The following ECEL1 variants were observed in gnomAD, a reference collection of about 807,000 sequenced individuals.
The protein encoded by ECEL1 is endothelin-converting enzyme-like 1.
Under a neutral mutation model 101.8 loss-of-function variants are expected in ECEL1, and 87 were observed. That is an observed-to-expected ratio of 0.85 (90% CI 0.72 to 1.02). The LOEUF (loss-of-function observed/expected upper bound fraction) is 1.02. Ranked by LOEUF, ECEL1 falls within the 50% of genes least tolerant of loss-of-function variation. The probability of loss-of-function intolerance (pLI) is 0.00; values close to 1 mark genes in which losing one functional copy is unlikely to be tolerated. For synonymous variants in ECEL1, 487 were observed against 468.7 expected, an observed-to-expected ratio of 1.04 and a Z score of -0.50; for missense variants, 1,032 against 1,079.2, an observed-to-expected ratio of 0.96 and a Z score of 0.61.
At position 232,483,991 on chromosome 2, in the gene ECEL1, G is replaced by A; in HGVS notation, c.1407+10C>T. 2 of 1,594,446 alleles carry A rather than the reference G, an allele frequency of 1.3e-6. No individual in the cohort carries two copies. The highest frequency in any genetic ancestry group is 1.7e-6 in the Non-Finnish European group (2 of 1,166,758). On this transcript the variant is annotated intron_variant, in intron 7 of 17. Transcript: ENST00000304546. The stretch of plus-strand genomic sequence containing the variant: ...GCACCATCCTCCTCTCTCAAACAAG[G>A]GCAACCCACCTTGGCTTTGCTGGCA...
At chr2:232,484,288 C>T in intron 6 of ECEL1, 65 bp from the exon 7 acceptor site, 2 of 1,575,718 alleles carry the variant, frequency 1.3e-6, no homozygotes, top group Admixed American at 1.7e-5. Context: ...AAGGGCACCA[C>T]CCCTACCTGT....
Position 232,484,034 on chromosome 2 carries a change from T to C in ECEL1, c.1374A>G (p.Val458=), listed in dbSNP as rs866311070. 6 of 1,611,466 alleles carry C rather than the reference T, an allele frequency of 3.7e-6. 1 individual carries two copies. In the Middle Eastern group the frequency reaches 8.3e-4, roughly 222 times the overall value. ...TGCTGGCAGCTGAGAAGTGCTCATG[T>C]ACAAAGAGGGCGCCAAGCGCCATGC... ...HFGMALGALF[V]HEHFSAASKA... The change falls in exon 7 of 18, where the codon GTA becomes GTG. Residue 458 remains valine, a synonymous_variant. Coordinates refer to ENST00000304546, the MANE Select transcript of ECEL1 (RefSeq NM_004826.4).
At chr2:232,480,594 C>G in intron 16 of ECEL1, 119 bp from the exon 17 acceptor site, 1 of 1,493,570 alleles carries the variant, frequency 6.7e-7, no homozygotes, top group Non-Finnish European at 9.2e-7. Flanking sequence ...ACCATCACCT[C>G]TGACGGGACA....
At chr2:232,485,150 C>A (rs766241158) in intron 3 of ECEL1, 49 bp downstream of exon 3, 4 of 1,612,504 alleles carry the variant, frequency 2.5e-6, no homozygotes, top group Non-Finnish European at 3.4e-6. Flanking sequence ...GGATCCACCC[C>A]TCCTGGGGCC....
rs769637000 is a variant in ECEL1, at chr2:232,481,790, T to C, written c.1856A>G (p.Asp619Gly). ...IIGHELTHGY[D>G]DWGGQYDRSG... ...GCCCCAACAGGCCTCACCCCAGTCG[T>C]CGTAGCCGTGGGTCAGCTCATGTCC... The change falls in exon 13 of 18, where the codon GAC (aspartate) becomes GGC (glycine). Residue 619 changes from aspartate to glycine, a missense_variant. Asp to Gly is a moderately conservative substitution (Grantham distance 94). Coordinates refer to ENST00000304546, the MANE Select transcript of ECEL1 (RefSeq NM_004826.4). 6.2e-7 allele frequency: 1 copy of C among 1,613,638 alleles called. No individual in the cohort carries two copies. Among genetic ancestry groups the C allele is most frequent in the South Asian group, 1.1e-5 (1 of 91,076 alleles).
intron 1 of ECEL1, among the ~76,000 whole-genome samples, chr2:232,487,144 G>A (rs1690750303): frequency 6.6e-6 from 1 of 152,216 alleles, no homozygotes; most frequent in Admixed American, 6.5e-5. Flanking sequence ...GAGGAGGTGC[G>A]GTCAGGGGCG....
Position 232,486,327 on chromosome 2 carries a change from A to T in ECEL1, c.327T>A (p.Ala109=). The part of the protein sequence containing the change: ...CPERKAFARA[A]RFLAANLDAS... ...CGTCCAGGTTGGCGGCCAGGAAGCGAGCGGCGCGCGCGAAGGCCTTGCGCT... is the reference window on the plus strand; with the variant it reads ...CGTCCAGGTTGGCGGCCAGGAAGCGTGCGGCGCGCGCGAAGGCCTTGCGCT... Residue 109 remains alanine (A), a synonymous_variant, in exon 2 of 18, where the codon GCT becomes GCA. Coordinates refer to ENST00000304546, the MANE Select transcript of ECEL1 (RefSeq NM_004826.4). The T allele has an allele frequency of 6.4e-7, 1 of 1,570,214 alleles. No homozygotes were observed. The highest frequency in any genetic ancestry group is 8.6e-7 in the Non-Finnish European group (1 of 1,166,366).
rs1559275420 is a variant in ECEL1 at position 232,484,146 on chromosome 2, A to T, written c.1262T>A (p.Leu421Gln). The T allele has an allele frequency of 1.9e-6, 3 of 1,613,754 alleles. No homozygotes were observed. The highest frequency in any genetic ancestry group is 2.5e-6 in the Non-Finnish European group (3 of 1,180,022). ...EHLSPPFREA[L>Q]HELAQEMEGS... ...CTCCATCTCCTGTGCCAGCTCGTGCAGTGCCTCACGGAATGGCGGGGACAG... is the reference window on the plus strand; with the variant it reads ...CTCCATCTCCTGTGCCAGCTCGTGCTGTGCCTCACGGAATGGCGGGGACAG... Residue 421 changes from leucine to glutamine, a missense_variant, in exon 7 of 18, where the codon CTG becomes CAG. Transcript: ENST00000304546.
At chr2:232,487,106 G>A (rs1350588535) in intron 1 of ECEL1, among the ~76,000 whole-genome samples, 1 of 152,232 alleles carries the variant, frequency 6.6e-6, no homozygotes, top group Non-Finnish European at 1.5e-5. Context: ...AGGCCGGGTG[G>A]AGTGGGGGAA....
chr2:232,486,405 C>T lies in ECEL1; in HGVS notation c.249G>A (p.Lys83=). 1 of 1,474,118 alleles carries T rather than the reference C, an allele frequency of 6.8e-7. No individual in the cohort carries two copies. Among genetic ancestry groups the T allele is most frequent in the Non-Finnish European group, 8.9e-7 (1 of 1,124,688 alleles). The allele number at this position is 1,474,118 out of a possible 1,614,324, so 91.3% of individuals were successfully genotyped here. Residue 83 remains lysine, a synonymous_variant, in exon 2 of 18, where the codon AAG becomes AAA. Coordinates refer to ENST00000304546, the MANE Select transcript of ECEL1 (RefSeq NM_004826.4). The part of the protein sequence containing the change: ...CAILAAMLAL[K]YLGPVAAGGG... Reference sequence around the variant, plus strand: ...CGCCGGCCGCGACCGGGCCCAGGTACTTGAGGGCCAGCATAGCCGCCAGAA... The same window carrying T: ...CGCCGGCCGCGACCGGGCCCAGGTATTTGAGGGCCAGCATAGCCGCCAGAA...
At position 232,486,009 on chromosome 2, in the gene ECEL1, G is replaced by T; in HGVS notation, c.645C>A (p.Gly215=). The T allele has an allele frequency of 1.2e-6, 2 of 1,607,812 alleles. No homozygotes were observed. Residue 215 remains glycine (G), a synonymous_variant, in exon 2 of 18, where the codon GGC becomes GGA. Coordinates refer to ENST00000304546, the MANE Select transcript of ECEL1 (RefSeq NM_004826.4). ...CCGCGACCCCCGGACGCTCCTCCGC[G>T]CCGCCCAGGTCCCAGCCCCCGCAGT... The part of the protein sequence containing the change: ...IEDCGGWDLG[G]AEERPGVAAR...
rs1357298906 is a variant in ECEL1, at chr2:232,483,112, T to C, written c.1574A>G (p.Glu525Gly). ...GGCAGGGTCAGGGCCCACCTCATAC[T>C]CCTTGTCCACAGCATCGGGTTTCAG... Reference protein sequence around the residue: ...FLLKPDAVDKEYEFEVHEKTY... With the variant: ...FLLKPDAVDKGYEFEVHEKTY... Residue 525 changes from glutamate to glycine, a missense_variant, in exon 9 of 18, where the codon GAG becomes GGG. Transcript: ENST00000304546. 6.2e-7 allele frequency: 1 copy of C among 1,609,234 alleles called. No individual in the cohort carries two copies. Among genetic ancestry groups the C allele is most frequent in the East Asian group, 2.2e-5 (1 of 44,700 alleles).
In ECEL1 at chr2:232,485,250, G is replaced by T. The variant is rs1195481302; in HGVS notation, c.804C>A (p.Leu268=). The T allele has an allele frequency of 6.2e-7, 1 of 1,613,520 alleles. No homozygotes were observed. Among genetic ancestry groups the T allele is most frequent in the African/African-American group, 1.3e-5 (1 of 75,034 alleles). ...RYVIRIDQDG[L]TLPERTLYLA... ...GGTACAGGGTCCTCTCTGGCAGGGTGAGCCCATCCTGGTCAATCTGGGGAG... is the reference window on the plus strand; with the variant it reads ...GGTACAGGGTCCTCTCTGGCAGGGTTAGCCCATCCTGGTCAATCTGGGGAG... Residue 268 remains leucine (L), a synonymous_variant, in exon 3 of 18, where the codon CTC becomes CTA. Transcript: ENST00000304546.
rs776590182 is a variant in ECEL1 at position 232,483,174 on chromosome 2, C to T, written c.1512G>A (p.Gln504=). Reference sequence around the variant, plus strand: ...GGTAGCCGACCATCACCATCATGTACTGGAGCTGCGGGCCGAGGGCAGGTG... The same window carrying T: ...GGTAGCCGACCATCACCATCATGTATTGGAGCTGCGGGCCGAGGGCAGGTG... ...ETRAAARAKL[Q]YMMVMVGYPD... The change falls in exon 9 of 18, where the codon CAG becomes CAA. Residue 504 remains glutamine (Q), a synonymous_variant. Coordinates refer to ENST00000304546, the MANE Select transcript of ECEL1 (RefSeq NM_004826.4). 6.2e-7 allele frequency: 1 copy of T among 1,603,756 alleles called. No individual in the cohort carries two copies. Among genetic ancestry groups the T allele is most frequent in the South Asian group, 1.1e-5 (1 of 89,524 alleles).
Position 232,479,841 on chromosome 2 carries a change from T to G in ECEL1, c.*312A>C. The G allele has an allele frequency of 2.6e-6, 1 of 391,064 alleles. No homozygotes were observed. The highest frequency in any genetic ancestry group is 4.7e-6 in the Non-Finnish European group (1 of 211,946). 24.2% of individuals were successfully genotyped at this position (391,064 alleles called of 1,614,324 possible). On this transcript the variant is annotated 3_prime_UTR_variant, in exon 18 of 18. Coordinates refer to ENST00000304546, the MANE Select transcript of ECEL1 (RefSeq NM_004826.4). ...GAGGCCAAGGCAACAGTGCAGTGAT[T>G]TATTGACCAGACTTTGCAGCAAGAA... is the stretch of plus-strand genomic sequence containing the variant.
chr2:232,483,983 C>A lies in ECEL1; in HGVS notation c.1407+18G>T. 1 of 1,588,766 alleles carries A rather than the reference C, an allele frequency of 6.3e-7. No individual in the cohort carries two copies. Among genetic ancestry groups the A allele is most frequent in the South Asian group, 1.1e-5 (1 of 87,510 alleles). ...TCAGTTCAGCACCATCCTCCTCTCT[C>A]AAACAAGGGCAACCCACCTTGGCTT... On this transcript the variant is annotated intron_variant, in intron 7 of 17. Coordinates refer to ENST00000304546, the MANE Select transcript of ECEL1 (RefSeq NM_004826.4).
At chr2:232,482,633 G>C (rs1181116395) in intron 10 of ECEL1, 25 bp from the exon 11 acceptor site, 1 of 1,598,366 alleles carries the variant, frequency 6.3e-7, no homozygotes, top group Admixed American at 1.7e-5. Flanking sequence ...TGGGGTGAAT[G>C]GGGGGAACAC....
chr2:232,483,906 G>A, intron 7 of ECEL1, 95 bp downstream of exon 7: 2 of 1,352,030 alleles, frequency 1.5e-6, no homozygotes, highest in East Asian at 2.3e-5. Flanking sequence ...TGCCTGCAGG[G>A]GACATGTGGG....
At position 232,486,331 on chromosome 2, in the gene ECEL1, G is replaced by A. The variant is rs777534219; in HGVS notation, c.323C>T (p.Ala108Val). 1 of 1,566,008 alleles carries A rather than the reference G, an allele frequency of 6.4e-7. No individual in the cohort carries two copies. The highest frequency in any genetic ancestry group is 1.8e-5 in the Admixed American group (1 of 55,482). The change falls in exon 2 of 18, where the codon GCC becomes GTC. Residue 108 changes from alanine (A) to valine (V), a missense_variant. Coordinates refer to ENST00000304546, the MANE Select transcript of ECEL1 (RefSeq NM_004826.4). The stretch of plus-strand genomic sequence containing the variant: ...CAGGTTGGCGGCCAGGAAGCGAGCG[G>A]CGCGCGCGAAGGCCTTGCGCTCAGG... The part of the protein sequence containing the change: ...GCPERKAFAR[A>V]ARFLAANLDA...
Sources: allele counts gnomAD v4.1 joint callset (sites outside exome capture counted in the v4.1 genomes callset), GRCh38; gene constraint gnomAD v4.1.1; transcripts MANE v1.5; gene names NCBI Gene and HGNC (gene_info 2026-07-23, HGNC 2026-07-21).